The following THADA variants were observed in gnomAD, a reference collection of about 807,000 sequenced individuals.
THADA encodes the protein THADA armadillo repeat containing.
Under a neutral mutation model 219.8 loss-of-function variants are expected in THADA, and 213 were observed. That is an observed-to-expected ratio of 0.97 (90% CI 0.87 to 1.09). THADA has a LOEUF of 1.09. Ranked by LOEUF, THADA falls within the 50% of genes least tolerant of loss-of-function variation. THADA has a pLI of 0.00. For missense variants in THADA, 2,956 were observed against 2,311.3 expected, an observed-to-expected ratio of 1.28 and a Z score of -5.72; for synonymous variants, 1,018 against 828.9, an observed-to-expected ratio of 1.23 and a Z score of -3.92.
At chr2:43,436,569 C>T (rs1334954859) in intron 26 of THADA, among the ~76,000 whole-genome samples, 2 of 152,188 alleles carry the variant, frequency 1.3e-5, no homozygotes, top group Non-Finnish European at 2.9e-5. Flanking sequence ...ATGTCCTTCC[C>T]TTTTCTGTAG....
chr2:43,569,341 G>C (rs1166658324), intron 14 of THADA, among the ~76,000 whole-genome samples: 1 of 152,148 alleles, frequency 6.6e-6, no homozygotes, highest in East Asian at 1.9e-4. Context: ...CGGCCTTTTA[G>C]CTAAGATCAA....
rs1388438021 is a variant in THADA, at chr2:43,568,563, T to C, written c.2188-1742A>G. Among the ~76,000 whole-genome samples, 21 of 152,192 alleles carry C rather than the reference T, an allele frequency of 1.4e-4. 1 individual carries two copies. The highest frequency in any genetic ancestry group is 1.2e-3 in the Admixed American group (18 of 15,282). On this transcript the variant is annotated intron_variant, in intron 14 of 37. Coordinates refer to ENST00000405975, the MANE Select transcript of THADA (RefSeq NM_022065.5). ...ACCTATAACACAGACCAAGAAACCA[T>C]GCATACATGAAAATTCACAATCTCA... is the stretch of plus-strand genomic sequence containing the variant.
At chr2:43,462,093 A>G (rs866418376) in intron 26 of THADA, among the ~76,000 whole-genome samples, 4 of 152,210 alleles carry the variant, frequency 2.6e-5, no homozygotes, top group Non-Finnish European at 2.9e-5. Context: ...GCTGCATTTT[A>G]TACTTTGTTG....
intron 17 of THADA, among the ~76,000 whole-genome samples, chr2:43,554,483 T>A (rs926552120): frequency 1.3e-5 from 2 of 151,948 alleles, no homozygotes; most frequent in Non-Finnish European, 2.9e-5. Context: ...CAAACAACCC[T>A]ACAGAAAAAC....
rs142119995 is a variant in THADA, at chr2:43,353,188, C to G, written c.4228-8951G>C. On this transcript the variant is annotated intron_variant, in intron 29 of 37. Transcript: ENST00000405975. ...GGTTATTTCACTTTCTCTGGATACA[C>G]ACCCAGAAGCAGGATTTGCTGGGTC... Among the ~76,000 whole-genome samples the G allele has an allele frequency of 1.2e-4, 19 of 152,314 alleles. No homozygotes were observed. In the South Asian group the frequency reaches 2.7e-3, roughly 22 times the overall value.
At chr2:43,390,795 G>C (rs1395755867) in intron 29 of THADA, among the ~76,000 whole-genome samples, 1 of 152,194 alleles carries the variant, frequency 6.6e-6, no homozygotes, top group Non-Finnish European at 1.5e-5. Flanking sequence ...CAAGCACCCA[G>C]AACAGTGCCT....
At chr2:43,265,988 CACAG>C (rs1184482461) in intron 36 of THADA, among the ~76,000 whole-genome samples, 13 of 105,714 alleles carry the variant, frequency 1.2e-4, no homozygotes, top group East Asian at 2.8e-4. Context: ...CACACACACA[CACAG>C]ACTCTTGAGG....
Position 43,586,422 on chromosome 2 carries a change from A to G in THADA, c.512T>C (p.Ile171Thr). 3.8e-6 allele frequency: 6 copies of G among 1,584,468 alleles called. No homozygotes were observed. Among genetic ancestry groups the G allele is most frequent in the East Asian group, 4.5e-5 (2 of 44,170 alleles). Residue 171 changes from isoleucine to threonine, a missense_variant, in exon 7 of 38, where the codon ATT (isoleucine) becomes ACT (threonine). Coordinates refer to ENST00000405975, the MANE Select transcript of THADA (RefSeq NM_022065.5). ...TTGCCTATTTTCTTCCAGGATTTCA[A>G]TTAAACTCTTCTGCAGAAAATGAAG... ...NVLHFLQKSLIEILEENRKCA... is the reference protein window; with the variant it reads ...NVLHFLQKSLTEILEENRKCA...
intron 36 of THADA, among the ~76,000 whole-genome samples, chr2:43,266,496 G>A (rs915044507): frequency 6.6e-6 from 1 of 152,192 alleles, no homozygotes; most frequent in African/African-American, 2.4e-5. Flanking sequence ...GCAGCTACTC[G>A]GGAGGCTGAG....
At chr2:43,494,906 G>A (rs1353594748) in intron 25 of THADA, among the ~76,000 whole-genome samples, 5 of 152,136 alleles carry the variant, frequency 3.3e-5, no homozygotes, top group African/African-American at 1.2e-4. Context: ...ATATATACAT[G>A]AATGCTTTCT....
At chr2:43,444,984 ATG>A (rs1681334992) in intron 26 of THADA, among the ~76,000 whole-genome samples, 1 of 152,194 alleles carries the variant, frequency 6.6e-6, no homozygotes, top group Non-Finnish European at 1.5e-5. Context: ...TGGTCACTGG[ATG>A]AAAACAAATG....
chr2:43,474,296 G>A (rs754110629), intron 26 of THADA, among the ~76,000 whole-genome samples: 3 of 152,224 alleles, frequency 2.0e-5, no homozygotes, highest in African/African-American at 7.2e-5. Context: ...GTGAGAAAGA[G>A]CTCTGTTCCA....
intron 26 of THADA, among the ~76,000 whole-genome samples, chr2:43,470,826 C>T (rs1040180747): frequency 2.0e-5 from 3 of 152,130 alleles, no homozygotes; most frequent in Non-Finnish European, 2.9e-5. Flanking sequence ...TGGAAGACTC[C>T]GCAGTTTCAC....
intron 26 of THADA, among the ~76,000 whole-genome samples, chr2:43,467,200 A>C (rs997857698): frequency 6.0e-5 from 9 of 149,302 alleles, no homozygotes; most frequent in Non-Finnish European, 1.2e-4. Flanking sequence ...AAAAAAAAAA[A>C]AAAAAACACC....
At chr2:43,307,595 G>C (rs1276365570) in intron 31 of THADA, among the ~76,000 whole-genome samples, 1 of 152,216 alleles carries the variant, frequency 6.6e-6, no homozygotes, top group Non-Finnish European at 1.5e-5. Context: ...GAAGGATCCT[G>C]TTAGAGGAGC....
At chr2:43,595,150 A>G (rs1194765330) in intron 1 of THADA, among the ~76,000 whole-genome samples, 4 of 152,240 alleles carry the variant, frequency 2.6e-5, no homozygotes, top group Non-Finnish European at 5.9e-5. Context: ...TAGAAGGGAT[A>G]TATGTCTTTA....
At chr2:43,436,214 A>G (rs1397643948) in intron 26 of THADA, among the ~76,000 whole-genome samples, 1 of 152,228 alleles carries the variant, frequency 6.6e-6, no homozygotes, top group Non-Finnish European at 1.5e-5. Flanking sequence ...AAAAAAGACA[A>G]AGTTATAAAT....
chr2:43,320,020 A>G (rs1189119031), intron 31 of THADA, among the ~76,000 whole-genome samples: 2 of 152,218 alleles, frequency 1.3e-5, no homozygotes, highest in African/African-American at 4.8e-5. Flanking sequence ...GCAACTCATA[A>G]GTGCATTGGT....
intron 29 of THADA, among the ~76,000 whole-genome samples, chr2:43,365,732 G>A (rs913011031): frequency 8.6e-5 from 13 of 151,944 alleles, no homozygotes; most frequent in African/African-American, 3.1e-4. Context: ...TAGAAGGCAA[G>A]TTAAAAAAAA....
Sources: gnomAD v4.1 joint callset for allele counts (sites outside exome capture counted in the v4.1 genomes callset) on GRCh38, gnomAD v4.1.1 for gene constraint, MANE v1.5 for transcripts, NCBI Gene and HGNC (gene_info 2026-07-23, HGNC 2026-07-21) for gene names.